CHAF1B: variants seen among roughly 807,000 people sequenced by gnomAD.
CHAF1B encodes the protein CAF-1 subunit B.
CHAF1B carries 10 observed loss-of-function variants against 60.7 expected under a neutral mutation model. That is an observed-to-expected ratio of 0.16 (90% CI 0.10 to 0.28). The LOEUF (loss-of-function observed/expected upper bound fraction) is 0.28, where lower values mean the gene tolerates loss of function less well. Among genes scored for constraint, CHAF1B ranks in the 10% least tolerant of loss-of-function variants. The probability of loss-of-function intolerance (pLI) is 1.00; values close to 1 mark genes in which losing one functional copy is unlikely to be tolerated. For synonymous variants in CHAF1B, 261 were observed against 266.1 expected (o/e 0.98, Z 0.19); for missense variants, 558 against 708.4 (o/e 0.79, Z 2.41).
At chr21:36,389,613 A>G (rs546828948) in intron 3 of CHAF1B, among the ~76,000 whole-genome samples, 139 of 152,106 alleles carry the variant, frequency 9.1e-4, no homozygotes, top group African/African-American at 3.2e-3. Flanking sequence ...TCAAAAAAAA[A>G]AAAAAAAAGT....
At chr21:36,390,848 G>T (rs560205066) in intron 3 of CHAF1B, among the ~76,000 whole-genome samples, 1 of 152,210 alleles carries the variant, frequency 6.6e-6, no homozygotes, top group South Asian at 2.1e-4. Flanking sequence ...TAGAGACAAG[G>T]TCTTGCTCTC....
chr21:36,386,223 C>T lies in CHAF1B; in HGVS notation c.87C>T (p.Ile29=). ...TCCAGCATGGGACGGCTGGGAGGAT[C>T]CACAGACTGGCGTCTGCCGGCGTGG... ...LDFQHGTAGR[I]HRLASAGVDT... Residue 29 remains isoleucine, a synonymous_variant, in exon 2 of 14, where the codon ATC becomes ATT. Transcript: ENST00000314103. 6.2e-7 allele frequency: 1 copy of T among 1,614,186 alleles called. No individual in the cohort carries two copies. Among genetic ancestry groups the T allele is most frequent in the Non-Finnish European group, 8.5e-7 (1 of 1,180,018 alleles).
intron 7 of CHAF1B, among the ~76,000 whole-genome samples, chr21:36,400,741 A>G (rs2086181158): frequency 6.6e-6 from 1 of 152,218 alleles, no homozygotes; most frequent in African/African-American, 2.4e-5. Flanking sequence ...AGACCCAGCC[A>G]AAACACTGGT....
chr21:36,414,674 T>C (rs2086303654), intron 12 of CHAF1B, among the ~76,000 whole-genome samples: 1 of 152,156 alleles, frequency 6.6e-6, no homozygotes, highest in African/African-American at 2.4e-5. Context: ...TGCGATGGCA[T>C]GCTCTCTGCT....
chr21:36,385,958 A>T, intron 1 of CHAF1B, 102 bp from the exon 2 acceptor site: 3 of 640,816 alleles, frequency 4.7e-6, no homozygotes, highest in Non-Finnish European at 7.9e-6. Flanking sequence ...CAACGTTAAC[A>T]TCCTTTCCCA....
chr21:36,416,274 G>A lies in CHAF1B; in HGVS notation c.1589-1G>A, dbSNP rs373133195. 2 of 1,610,492 alleles carry A rather than the reference G, an allele frequency of 1.2e-6. No individual in the cohort carries two copies. Among genetic ancestry groups the A allele is most frequent in the Non-Finnish European group, 1.7e-6 (2 of 1,178,940 alleles). On this transcript the variant is annotated splice_acceptor_variant, in intron 13 of 13. Coordinates refer to ENST00000314103, the MANE Select transcript of CHAF1B (RefSeq NM_005441.3). LOFTEE classifies it high-confidence loss of function. Reference sequence around the variant, plus strand: ...CAACCTTATGTTTGTTAATGTTGCAGAGACGCCTGGAGACGCTCAGGGCAG... The same window carrying A: ...CAACCTTATGTTTGTTAATGTTGCAAAGACGCCTGGAGACGCTCAGGGCAG...
chr21:36,395,116 T>C (rs780711316), intron 5 of CHAF1B, among the ~76,000 whole-genome samples: 9 of 152,066 alleles, frequency 5.9e-5, no homozygotes, highest in Non-Finnish European at 1.2e-4. Flanking sequence ...AATGTCACAA[T>C]CTTAGCTCAC....
In CHAF1B at chr21:36,418,217, T is replaced by G. The variant is rs1158950526; in HGVS notation, c.*1851T>G. ...TTAGTAGAGATGGTGTTTCACCATG[T>G]TGGTCAGGCTGGTCTCCAACGCCTG... On this transcript the variant is annotated 3_prime_UTR_variant, in exon 14 of 14. Coordinates refer to ENST00000314103, the MANE Select transcript of CHAF1B (RefSeq NM_005441.3). 1.3e-5 allele frequency: 2 copies of G among 151,886 alleles called. No individual in the cohort carries two copies. Among genetic ancestry groups the G allele is most frequent in the Admixed American group, 1.3e-4 (2 of 15,258 alleles). The allele number at this position is 151,886 out of a possible 1,614,324, so 9.4% of individuals were successfully genotyped here.
chr21:36,397,754 C>T (rs2086153933), intron 6 of CHAF1B: 1 of 213,214 alleles, frequency 4.7e-6, no homozygotes, highest in East Asian at 9.3e-5. Flanking sequence ...CACAGTCTCA[C>T]TCTGTCACCC....
intron 3 of CHAF1B, among the ~76,000 whole-genome samples, chr21:36,390,199 G>T (rs1254785792): frequency 6.6e-6 from 1 of 151,934 alleles, no homozygotes; most frequent in East Asian, 1.9e-4. Flanking sequence ...TGGGTGTGGT[G>T]GTGCATACCT....
At chr21:36,395,646 G>T (rs186304994) in intron 5 of CHAF1B, among the ~76,000 whole-genome samples, 1 of 152,302 alleles carries the variant, frequency 6.6e-6, no homozygotes, top group African/African-American at 2.4e-5. Flanking sequence ...GTGGGATCAG[G>T]TTTCCATTTT....
chr21:36,412,173 G>A (rs928857880), intron 11 of CHAF1B, among the ~76,000 whole-genome samples: 1 of 152,206 alleles, frequency 6.6e-6, no homozygotes, highest in African/African-American at 2.4e-5. Flanking sequence ...AAACTGAGGG[G>A]AGGCCTTGTA....
At position 36,409,380 on chromosome 21, in the gene CHAF1B, C is replaced by T. The variant is rs1017164969; in HGVS notation, c.834C>T (p.Ile278=). The T allele has an allele frequency of 5.0e-6, 8 of 1,612,420 alleles. No individual in the cohort carries two copies. The highest frequency in any genetic ancestry group is 2.2e-5 in the South Asian group (2 of 91,048). The change falls in exon 10 of 14, where the codon ATC becomes ATT. Residue 278 remains isoleucine (I), a synonymous_variant. Transcript: ENST00000314103. ...ACTGCAATTAATCCATTAGGCCCAT[C>T]GCTCATCTTCCATGTCCTGGAAAAG... ...VFSRKNLKRP[I]AHLPCPGKAT... is the part of the protein sequence containing the mutation.
At position 36,418,292 on chromosome 21, in the gene CHAF1B, G is replaced by A. The variant is rs540120404; in HGVS notation, c.*1926G>A. 4 of 152,334 alleles carry A rather than the reference G, an allele frequency of 2.6e-5. No homozygotes were observed. The highest frequency in any genetic ancestry group is 7.2e-5 in the African/African-American group (3 of 41,542). 9.4% of individuals were successfully genotyped at this position (152,334 alleles called of 1,614,324 possible). On this transcript the variant is annotated 3_prime_UTR_variant, in exon 14 of 14. Coordinates refer to ENST00000314103, the MANE Select transcript of CHAF1B (RefSeq NM_005441.3). The stretch of plus-strand genomic sequence containing the variant: ...CTCCCAAAGTGCTGGGATTACAGGC[G>A]TGAGCCACCGCGCCCAGCCGAAAGC...
intron 6 of CHAF1B, among the ~76,000 whole-genome samples, chr21:36,398,651 C>T (rs922321545): frequency 5.3e-5 from 8 of 152,146 alleles, no homozygotes; most frequent in Non-Finnish European, 8.8e-5. Context: ...TGAGCCACCT[C>T]GCCCAGCCCA....
chr21:36,413,012 C>A lies in CHAF1B; in HGVS notation c.1190C>A (p.Thr397Lys), dbSNP rs2086289413. 3 of 1,614,088 alleles carry A rather than the reference C, an allele frequency of 1.9e-6. No homozygotes were observed. The South Asian group carries it at 3.3e-5, about 18-fold the overall frequency. Residue 397 changes from threonine to lysine, a missense_variant, in exon 12 of 14, where the codon ACA (threonine) becomes AAA (lysine). Thr to Lys is a moderately conservative substitution (Grantham distance 78). This residue lies in a region of CHAF1B where 233 missense variants were observed against 214.9 expected (regional missense o/e 1.08). Transcript: ENST00000314103. ...KPVLNMRTPD[T>K]AKKTKSQTHR... is the part of the protein sequence containing the mutation. ...GTTTTGAACATGAGAACTCCTGATA[C>A]AGCAAAGAAAACCAAGAGTCAGACA...
chr21:36,396,324 G>T (rs1451621746), intron 5 of CHAF1B, among the ~76,000 whole-genome samples: 2 of 131,818 alleles, frequency 1.5e-5, no homozygotes, highest in African/African-American at 5.7e-5. Context: ...TATCATAAGT[G>T]TGATGGGTTG....
At chr21:36,411,259 A>G (rs1394509434) in intron 10 of CHAF1B, among the ~76,000 whole-genome samples, 2 of 151,718 alleles carry the variant, frequency 1.3e-5, no homozygotes, top group Non-Finnish European at 2.9e-5. Flanking sequence ...TACTACAGGC[A>G]CACACCCCCA....
chr21:36,399,334 C>G (rs950969429), intron 6 of CHAF1B, among the ~76,000 whole-genome samples, 187 bp from the exon 7 acceptor site: 1 of 152,184 alleles, frequency 6.6e-6, no homozygotes, highest in Non-Finnish European at 1.5e-5. Context: ...CCGCGCCCGG[C>G]CTGTAATATC....
Sources: allele counts gnomAD v4.1 joint callset (sites outside exome capture counted in the v4.1 genomes callset), GRCh38; gene constraint gnomAD v4.1.1; regional missense constraint gnomAD v4.1.1; transcripts MANE v1.5; gene names NCBI Gene and HGNC (gene_info 2026-07-23, HGNC 2026-07-21).